Variants in IRF6 observed in about 807,000 individuals in gnomAD.
The protein encoded by IRF6 is Van der Woude syndrome.
A neutral mutation model predicts 51.4 loss-of-function variants in IRF6; 6 were observed. The observed-to-expected ratio is 0.12, with a 90% CI of 0.06 to 0.23. IRF6 has a LOEUF of 0.23. Ranked by LOEUF, IRF6 falls within the 10% of genes least tolerant of loss-of-function variation. The probability of loss-of-function intolerance (pLI) is 1.00; values close to 1 mark genes in which losing one functional copy is unlikely to be tolerated. For synonymous variants in IRF6, 178 were observed against 215.7 expected, an observed-to-expected ratio of 0.83 and a Z score of 1.53; for missense variants, 348 against 585.2, an observed-to-expected ratio of 0.59 and a Z score of 4.18.
chr1:209,787,360 C>A lies in IRF6; in HGVS notation c.*1060G>T, dbSNP rs1262010012. On this transcript the variant is annotated 3_prime_UTR_variant, in exon 9 of 9. Coordinates refer to ENST00000367021, the MANE Select transcript of IRF6 (RefSeq NM_006147.4). ...CAGATACCTCCACTAGTAAGGGAGA[C>A]AAGCAGGTTCGTGCTAGGTGAGCCT... is the stretch of plus-strand genomic sequence containing the variant. The A allele has an allele frequency of 6.6e-6, 1 of 152,364 alleles. No homozygotes were observed. Among genetic ancestry groups the A allele is most frequent in the East Asian group, 1.9e-4 (1 of 5,200 alleles). 9.4% of individuals were successfully genotyped at this position (152,364 alleles called of 1,614,324 possible).
intron 5 of IRF6, among the ~76,000 whole-genome samples, chr1:209,793,703 T>A (rs763930604): frequency 5.9e-5 from 9 of 152,178 alleles, no homozygotes; most frequent in Admixed American, 2.0e-4. Flanking sequence ...GTAGTTTTTT[T>A]ATCCTCATCC....
intron 3 of IRF6, among the ~76,000 whole-genome samples, chr1:209,798,173 GAAGAAGTTTGA>G (rs372603796): frequency 0.36 from 55,341 of 151,892 alleles, 10,436 homozygotes; most frequent in East Asian, 0.56. Context: ...GGTATGGAAT[GAAGAAGTTTGA>G]CAACATTCTG....
chr1:209,788,213 T>C lies in IRF6; in HGVS notation c.*207A>G. On this transcript the variant is annotated 3_prime_UTR_variant, in exon 9 of 9. Transcript: ENST00000367021. ...TCTACTATGCTATATCATACTACCA[T>C]TAGGAGATTTGAAAAAGAAAAGCAA... 5.1e-6 allele frequency: 3 copies of C among 584,618 alleles called. No individual in the cohort carries two copies. Among genetic ancestry groups the C allele is most frequent in the Non-Finnish European group, 9.1e-6 (3 of 329,990 alleles). 36.2% of individuals were successfully genotyped at this position (584,618 alleles called of 1,614,324 possible). A position where few individuals can be genotyped will look rare whatever the true frequency, so the allele number is the denominator to read the frequency against.
chr1:209,803,409 T>C (rs1259073051), intron 1 of IRF6, among the ~76,000 whole-genome samples: 1 of 152,206 alleles, frequency 6.6e-6, no homozygotes, highest in Non-Finnish European at 1.5e-5. Flanking sequence ...AAGGACTTAT[T>C]GTAGTTGATC....
At chr1:209,798,874 A>G (rs1370238327) in intron 3 of IRF6, among the ~76,000 whole-genome samples, 1 of 138,704 alleles carries the variant, frequency 7.2e-6, no homozygotes, top group Non-Finnish European at 1.5e-5. Context: ...GCGCCACTGC[A>G]CTCCAGTCTG....
chr1:209,791,174 C>A (rs576458487), intron 6 of IRF6, among the ~76,000 whole-genome samples: 1 of 152,270 alleles, frequency 6.6e-6, no homozygotes, highest in South Asian at 2.1e-4. Context: ...CCTGGTGTCC[C>A]CACGCTATAC....
At chr1:209,802,996 A>G (rs1485315920) in intron 1 of IRF6, among the ~76,000 whole-genome samples, 2 of 152,162 alleles carry the variant, frequency 1.3e-5, no homozygotes, top group Non-Finnish European at 2.9e-5. Flanking sequence ...TGACCCAATT[A>G]CCAAGTCCTG....
At position 209,790,394 on chromosome 1, in the gene IRF6, T is replaced by A. The variant is rs944237804; in HGVS notation, c.1060+101A>T. 1 of 1,415,784 alleles carries A rather than the reference T, an allele frequency of 7.1e-7. No homozygotes were observed. The highest frequency in any genetic ancestry group is 2.3e-5 in the East Asian group (1 of 43,186). The allele number at this position is 1,415,784 out of a possible 1,614,324, so 87.7% of individuals were successfully genotyped here. On this transcript the variant is annotated intron_variant, in intron 7 of 8. Coordinates refer to ENST00000367021, the MANE Select transcript of IRF6 (RefSeq NM_006147.4). This position sits in a 1 kb window ranked among gnomAD's most constrained non-coding sequence, Gnocchi z 4.8. ...CTCCAGACTAAATTTTTTAAGATCT[T>A]TGCCATGCCAGGAAAGCAGGAAGGT... is the stretch of plus-strand genomic sequence containing the variant.
rs571202976 is a variant in IRF6 at position 209,795,642 on chromosome 1, G to A, written c.380-224C>T. On this transcript the variant is annotated intron_variant, in intron 4 of 8. Transcript: ENST00000367021. ...GAGCACATATCTAAATTATCTGGCT[G>A]TTAGTACTTGTTAAGTATGCAGTTA... is the stretch of plus-strand genomic sequence containing the variant. Among the ~76,000 whole-genome samples, 7 of 152,320 alleles carry A rather than the reference G, an allele frequency of 4.6e-5. No individual in the cohort carries two copies. In the East Asian group the frequency reaches 1.2e-3, roughly 25 times the overall value.
rs1287332818 is a variant in IRF6 at position 209,796,872 on chromosome 1, C to T, written c.175-320G>A. On this transcript the variant is annotated intron_variant, in intron 3 of 8. Coordinates refer to ENST00000367021, the MANE Select transcript of IRF6 (RefSeq NM_006147.4). This position sits in a 1 kb window ranked among gnomAD's most constrained non-coding sequence, Gnocchi z 4.5. ...AAGACGACAATGCTCTAATGAAGGG[C>T]TGAAGATAAAGCCTGCTGAAAATAT... is the stretch of plus-strand genomic sequence containing the variant. 1.3e-5 allele frequency among the ~76,000 whole-genome samples: 2 copies of T among 152,212 alleles called. No individual in the cohort carries two copies. Among genetic ancestry groups the T allele is most frequent in the East Asian group, 3.8e-4 (2 of 5,198 alleles).
intron 1 of IRF6, among the ~76,000 whole-genome samples, chr1:209,802,877 A>G (rs1039237458): frequency 3.9e-5 from 6 of 152,222 alleles, no homozygotes; most frequent in African/African-American, 1.4e-4. Flanking sequence ...GTGGCCCATA[A>G]CACCACTTCT....
At chr1:209,800,187 TG>T (rs1304954538) in intron 3 of IRF6, among the ~76,000 whole-genome samples, 1 of 152,210 alleles carries the variant, frequency 6.6e-6, no homozygotes, top group Non-Finnish European at 1.5e-5. Context: ...AGAAAGAAGC[TG>T]GTGTGGAGCA....
At chr1:209,803,230 G>A (rs2102549458) in intron 1 of IRF6, among the ~76,000 whole-genome samples, 1 of 152,292 alleles carries the variant, frequency 6.6e-6, no homozygotes, top group Admixed American at 6.5e-5. Context: ...ACTGAAAGGG[G>A]GATGGAGCAA....
Position 209,801,323 on chromosome 1 carries a change from T to C in IRF6, c.91A>G (p.Arg31Gly), listed in dbSNP as rs2077940439. The change falls in exon 3 of 9, where the codon AGG (arginine) becomes GGG (glycine). Residue 31 changes from arginine (R) to glycine (G), a missense_variant. By Grantham distance (125) the Arg-to-Gly change is moderately radical (BLOSUM62 -2). This residue lies in a region of IRF6 where 48 missense variants were observed against 128.1 expected (regional missense o/e 0.37). Coordinates refer to ENST00000367021, the MANE Select transcript of IRF6 (RefSeq NM_006147.4). Reference sequence around the variant, plus strand: ...GGAATCTGGAAGCGTTTAGAGTCCCTGTGTAGCCAGATGAGCCCAGGGTAG... The same window carrying C: ...GGAATCTGGAAGCGTTTAGAGTCCCCGTGTAGCCAGATGAGCCCAGGGTAG... Reference protein sequence around the residue: ...GLYPGLIWLHRDSKRFQIPWK... With the variant: ...GLYPGLIWLHGDSKRFQIPWK... The C allele has an allele frequency of 3.7e-6, 6 of 1,613,938 alleles. No homozygotes were observed. The highest frequency in any genetic ancestry group is 5.1e-6 in the Non-Finnish European group (6 of 1,179,972).
intron 8 of IRF6, 142 bp from the exon 9 acceptor site, chr1:209,788,786 T>C: frequency 1.4e-6 from 1 of 709,610 alleles, no homozygotes; most frequent in Non-Finnish European, 2.5e-6. Context: ...TATGCCTTCA[T>C]CTCTCTGGAC....
Position 209,788,198 on chromosome 1 carries a change from T to TA in IRF6, c.*221dup. 1.8e-6 allele frequency: 1 copy of TA among 570,262 alleles called. No individual in the cohort carries two copies. Among genetic ancestry groups the TA allele is most frequent in the Non-Finnish European group, 3.1e-6 (1 of 320,516 alleles). The allele number at this position is 570,262 out of a possible 1,614,324, so 35.3% of individuals were successfully genotyped here. ...CAGGCCAAATCTCCTTCTACTATGC[T>TA]ATATCATACTACCATTAGGAGATTT... On this transcript the variant is annotated 3_prime_UTR_variant, in exon 9 of 9. Coordinates refer to ENST00000367021, the MANE Select transcript of IRF6 (RefSeq NM_006147.4).
chr1:209,797,265 G>A (rs59043219), intron 3 of IRF6, among the ~76,000 whole-genome samples: 55,211 of 150,704 alleles, frequency 0.37, 10,442 homozygotes, highest in East Asian at 0.57. Context: ...AGCTACTCGG[G>A]AGGCTGAGGC....
In IRF6 at chr1:209,796,632, C is replaced by A; in HGVS notation, c.175-80G>T. Reference sequence around the variant, plus strand: ...ATGTGCTTACCCTTTCTCATAGACACAAACACACACACACACACACACACA... The same window carrying A: ...ATGTGCTTACCCTTTCTCATAGACAAAAACACACACACACACACACACACA... On this transcript the variant is annotated intron_variant, in intron 3 of 8. Transcript: ENST00000367021. This position sits in a 1 kb window ranked among gnomAD's most constrained non-coding sequence, Gnocchi z 4.5. The A allele has an allele frequency of 1.2e-6, 1 of 805,390 alleles. No individual in the cohort carries two copies. Among genetic ancestry groups the A allele is most frequent in the Non-Finnish European group, 2.0e-6 (1 of 492,060 alleles). 49.9% of individuals were successfully genotyped at this position (805,390 alleles called of 1,614,324 possible).
At chr1:209,802,425 C>T (rs1245811687) in intron 1 of IRF6, among the ~76,000 whole-genome samples, 1 of 152,082 alleles carries the variant, frequency 6.6e-6, no homozygotes, top group Admixed American at 6.5e-5. Context: ...AAAAGCCTTC[C>T]CAGATTGGGT....
Sources: allele counts gnomAD v4.1 joint callset (sites outside exome capture counted in the v4.1 genomes callset), GRCh38; gene constraint gnomAD v4.1.1; regional missense constraint gnomAD v4.1.1; non-coding constraint Gnocchi (gnomAD v3.1); transcripts MANE v1.5; gene names NCBI Gene and HGNC (gene_info 2026-07-23, HGNC 2026-07-21).